KIAA1549L: variants seen among roughly 807,000 people sequenced by gnomAD.
KIAA1549L encodes the protein KIAA1549 like.
Under a neutral mutation model 160.7 loss-of-function variants are expected in KIAA1549L, and 88 were observed. That is an observed-to-expected ratio of 0.55 (90% CI 0.46 to 0.65). KIAA1549L has a LOEUF of 0.65. Ranked by LOEUF, KIAA1549L falls within the 30% of genes least tolerant of loss-of-function variation. The pLI, the probability that KIAA1549L is intolerant of heterozygous loss-of-function variation, is 0.00. For missense variants in KIAA1549L, 2,258 were observed against 2,437.5 expected, an observed-to-expected ratio of 0.93 and a Z score of 1.55; for synonymous variants, 950 against 976.7, an observed-to-expected ratio of 0.97 and a Z score of 0.51.
chr11:33,606,743 C>T lies in KIAA1549L; in HGVS notation c.4982C>T (p.Ala1661Val), dbSNP rs780882360. 4 of 1,613,834 alleles carry T rather than the reference C, an allele frequency of 2.5e-6. No homozygotes were observed. Among genetic ancestry groups the T allele is most frequent in the Non-Finnish European group, 3.4e-6 (4 of 1,179,830 alleles). The change falls in exon 14 of 21, where the codon GCC (alanine) becomes GTC (valine). Residue 1661 changes from alanine to valine, a missense_variant. Ala to Val is a moderately conservative substitution (Grantham distance 64). Around this residue, in one of 6 missense-constraint regions of KIAA1549L, gnomAD observed 1,359 missense variants for 1,546.6 expected, o/e 0.88. Coordinates refer to ENST00000658780, the MANE Select transcript of KIAA1549L (RefSeq NM_012194.3). ...TCTTCTGGGTCTGTGCAGCTCATTG[C>T]CATAAAACCCACAGCCCTCCCCATG... is the stretch of plus-strand genomic sequence containing the variant. ...DTSSGSVQLI[A>V]IKPTALPMVP...
chr11:33,440,428 C>A (rs1409176470), intron 1 of KIAA1549L, among the ~76,000 whole-genome samples: 1 of 152,142 alleles, frequency 6.6e-6, no homozygotes, highest in Non-Finnish European at 1.5e-5. Context: ...CCGCGCCCGG[C>A]CTATTTTGTT....
rs909636713 is a variant in KIAA1549L, at chr11:33,409,711, T to C, written c.238+32822T>C. Among the ~76,000 whole-genome samples, 41 of 152,042 alleles carry C rather than the reference T, an allele frequency of 2.7e-4. 1 individual carries two copies. The highest frequency in any genetic ancestry group is 1.9e-4 in the East Asian group (1 of 5,164). ...CATTTGATCATTATCATCCATCCCC[T>C]TTCTCAATTTAAAATGAAAACCCTA... is the stretch of plus-strand genomic sequence containing the variant. On this transcript the variant is annotated intron_variant, in intron 1 of 20. Coordinates refer to ENST00000658780, the MANE Select transcript of KIAA1549L (RefSeq NM_012194.3).
intron 1 of KIAA1549L, among the ~76,000 whole-genome samples, chr11:33,508,967 C>A (rs990747660): frequency 6.6e-6 from 1 of 152,180 alleles, no homozygotes; most frequent in Non-Finnish European, 1.5e-5. Flanking sequence ...TCTGTCGTCT[C>A]TTTGGGGGAG....
Position 33,670,335 on chromosome 11 carries a change from C to G in KIAA1549L, c.*2181C>G, listed in dbSNP as rs900843497. 1 of 152,166 alleles carries G rather than the reference C, an allele frequency of 6.6e-6. No individual in the cohort carries two copies. Among genetic ancestry groups the G allele is most frequent in the African/African-American group, 2.4e-5 (1 of 41,432 alleles). 9.4% of individuals were successfully genotyped at this position (152,166 alleles called of 1,614,324 possible). On this transcript the variant is annotated 3_prime_UTR_variant, in exon 21 of 21. Transcript: ENST00000658780. ...GACAGTGTCTGAAATTTGGCTGTTT[C>G]AATGACTTACAGAGACTGAGTCTAC...
chr11:33,630,433 C>A (rs994918499), intron 16 of KIAA1549L, among the ~76,000 whole-genome samples: 1 of 152,212 alleles, frequency 6.6e-6, no homozygotes, highest in Non-Finnish European at 1.5e-5. Flanking sequence ...ATCAGCGAGA[C>A]TCCGTGGGCG....
chr11:33,579,998 G>T (rs1315287430), intron 10 of KIAA1549L, among the ~76,000 whole-genome samples: 1 of 152,174 alleles, frequency 6.6e-6, no homozygotes, highest in Non-Finnish European at 1.5e-5. Flanking sequence ...TGAAGGGAGA[G>T]TTTCTGCATT....
chr11:33,462,772 A>ATT lies in KIAA1549L; in HGVS notation c.239-79019_239-79018dup, dbSNP rs71034691. Reference sequence around the variant, plus strand: ...ATGTTTCCTTGATTCTTAGCTGCACATTTTTTTTTTTTATTTTAACATCTC... The same window carrying ATT: ...ATGTTTCCTTGATTCTTAGCTGCACATTTTTTTTTTTTTTATTTTAACATCTC... On this transcript the variant is annotated intron_variant, in intron 1 of 20. Coordinates refer to ENST00000658780, the MANE Select transcript of KIAA1549L (RefSeq NM_012194.3). Among the ~76,000 whole-genome samples, 76 of 146,620 alleles carry ATT rather than the reference A, an allele frequency of 5.2e-4. 1 individual carries two copies. Among genetic ancestry groups the ATT allele is most frequent in the South Asian group, 4.3e-3 (20 of 4,646 alleles).
At chr11:33,421,622 T>C (rs1851013317) in intron 1 of KIAA1549L, among the ~76,000 whole-genome samples, 1 of 152,224 alleles carries the variant, frequency 6.6e-6, no homozygotes, top group Admixed American at 6.5e-5. Flanking sequence ...TGTTAGTGAT[T>C]TATAAAGCAG....
intron 1 of KIAA1549L, among the ~76,000 whole-genome samples, chr11:33,490,301 T>A (rs1329840418): frequency 6.6e-6 from 1 of 151,522 alleles, no homozygotes; most frequent in Non-Finnish European, 1.5e-5. Context: ...GTATGGAAGT[T>A]GACAGAACTA....
At chr11:33,465,046 CTTTTTTT>C (rs1008261470) in intron 1 of KIAA1549L, among the ~76,000 whole-genome samples, 1,042 of 78,926 alleles carry the variant, frequency 0.013, 8 homozygotes, top group African/African-American at 0.046. Context: ...GGACCTTCTT[CTTTTTTT>C]TTTTTTTTTT....
intron 16 of KIAA1549L, among the ~76,000 whole-genome samples, chr11:33,627,975 G>T (rs1036126268): frequency 6.6e-6 from 1 of 151,462 alleles, no homozygotes; most frequent in Non-Finnish European, 1.5e-5. Context: ...CAGAGATTCT[G>T]GTATGTTGTG....
At chr11:33,431,323 T>G (rs2132915831) in intron 1 of KIAA1549L, among the ~76,000 whole-genome samples, 1 of 152,220 alleles carries the variant, frequency 6.6e-6, no homozygotes. Context: ...CTACTTTTAT[T>G]CTCTTATCTG....
chr11:33,423,066 T>C (rs1213927432), intron 1 of KIAA1549L, among the ~76,000 whole-genome samples: 1 of 152,358 alleles, frequency 6.6e-6, no homozygotes, highest in African/African-American at 2.4e-5. Flanking sequence ...CTTTGCTGGT[T>C]TGGCCTTTTA....
At chr11:33,439,914 G>C (rs1851461011) in intron 1 of KIAA1549L, among the ~76,000 whole-genome samples, 1 of 151,832 alleles carries the variant, frequency 6.6e-6, no homozygotes, top group Non-Finnish European at 1.5e-5. Context: ...CATATAGCTA[G>C]CTTATTTCTT....
chr11:33,414,153 C>G (rs1413047140), intron 1 of KIAA1549L, among the ~76,000 whole-genome samples: 2 of 152,164 alleles, frequency 1.3e-5, no homozygotes, highest in Non-Finnish European at 2.9e-5. Flanking sequence ...GTACACAAGC[C>G]TAGAAGTCTA....
intron 1 of KIAA1549L, among the ~76,000 whole-genome samples, chr11:33,431,056 A>G (rs1012580843): frequency 3.3e-5 from 5 of 151,890 alleles, no homozygotes; most frequent in Admixed American, 3.3e-4. Flanking sequence ...CTCAGGAGTG[A>G]AGCTGCAGAC....
chr11:33,566,512 G>T (rs1271628504), intron 8 of KIAA1549L, among the ~76,000 whole-genome samples: 1 of 152,218 alleles, frequency 6.6e-6, no homozygotes, highest in Non-Finnish European at 1.5e-5. Flanking sequence ...GCAGGAATTA[G>T]GCTGATGCAT....
At chr11:33,380,618 G>A (rs1376129404) in intron 1 of KIAA1549L, among the ~76,000 whole-genome samples, 2 of 152,014 alleles carry the variant, frequency 1.3e-5, no homozygotes, top group Admixed American at 6.5e-5. Flanking sequence ...ATCTAATATC[G>A]TCAGTGGGGT....
At chr11:33,548,905 G>A (rs1242568392) in intron 4 of KIAA1549L, among the ~76,000 whole-genome samples, 4 of 152,146 alleles carry the variant, frequency 2.6e-5, no homozygotes, top group South Asian at 2.1e-4. Context: ...AAGGAGATTC[G>A]GCACATACTT....
Sources: gnomAD v4.1 joint callset for allele counts (sites outside exome capture counted in the v4.1 genomes callset) on GRCh38, gnomAD v4.1.1 for gene constraint, gnomAD v4.1.1 regional missense constraint, MANE v1.5 for transcripts, NCBI Gene and HGNC (gene_info 2026-07-23, HGNC 2026-07-21) for gene names.